The following DDX42 variants were observed in gnomAD, a reference collection of about 807,000 sequenced individuals.
DDX42 encodes ATP-dependent RNA helicase DDX42.
A neutral mutation model predicts 101.5 loss-of-function variants in DDX42; 22 were observed. That is an observed-to-expected ratio of 0.22 (90% CI 0.15 to 0.31). The LOEUF is 0.31. Ranked by LOEUF, DDX42 falls within the 10% of genes least tolerant of loss-of-function variation. DDX42 has a pLI of 1.00. For synonymous variants in DDX42, 402 were observed against 401.2 expected (o/e 1.00, Z -0.02); for missense variants, 849 against 1,199.9 (o/e 0.71, Z 4.32).
intron 1 of DDX42, among the ~76,000 whole-genome samples, chr17:63,781,157 C>T (rs1300823704): frequency 6.6e-6 from 1 of 152,148 alleles, no homozygotes. Flanking sequence ...CCCTACTGCT[C>T]CATTGAAACT....
At chr17:63,805,425 A>G in intron 7 of DDX42, 2 of 386,190 alleles carry the variant, frequency 5.2e-6, no homozygotes, top group East Asian at 1.2e-4. Flanking sequence ...TCTGTGCTGG[A>G]TGGGCTAGTG....
At chr17:63,811,461 A>G (rs548862403) in intron 13 of DDX42, 2 of 371,788 alleles carry the variant, frequency 5.4e-6, no homozygotes, top group East Asian at 4.9e-5. Context: ...AAAGGCTTCA[A>G]AGAGACAAAA....
chr17:63,815,505 C>T, intron 15 of DDX42, 58 bp from the exon 16 acceptor site: 1 of 1,333,744 alleles, frequency 7.5e-7, no homozygotes, highest in Non-Finnish European at 1.1e-6. Flanking sequence ...TGTCCTCGTT[C>T]TCTTCTTCTG....
chr17:63,785,765 T>C (rs943402912), intron 1 of DDX42, among the ~76,000 whole-genome samples: 1 of 152,232 alleles, frequency 6.6e-6, no homozygotes, highest in African/African-American at 2.4e-5. Flanking sequence ...AGTTTCTTCC[T>C]GGATAGTGTT....
At chr17:63,804,456 T>C (rs538020316) in intron 6 of DDX42, among the ~76,000 whole-genome samples, 1 of 152,336 alleles carries the variant, frequency 6.6e-6, no homozygotes, top group East Asian at 1.9e-4. Flanking sequence ...ACTCCATGTT[T>C]TTAAACAGAA....
chr17:63,815,758 A>C (rs939166474), intron 16 of DDX42, 85 bp downstream of exon 16: 5 of 911,980 alleles, frequency 5.5e-6, no homozygotes, highest in African/African-American at 3.4e-5. Context: ...TACCCAGGAA[A>C]GCCTCAGTGA....
intron 6 of DDX42, among the ~76,000 whole-genome samples, chr17:63,803,795 G>A (rs951910494): frequency 9.2e-5 from 14 of 151,462 alleles, no homozygotes; most frequent in African/African-American, 3.4e-4. Context: ...GACTACAGGT[G>A]TGTGCCACTA....
At chr17:63,780,924 G>A (rs564655267) in intron 1 of DDX42, among the ~76,000 whole-genome samples, 1 of 152,232 alleles carries the variant, frequency 6.6e-6, no homozygotes, top group African/African-American at 2.4e-5. Context: ...GAAATCCTAT[G>A]ACTTTTTTCT....
chr17:63,792,480 C>T lies in DDX42; in HGVS notation c.290C>T (p.Pro97Leu). 6.2e-7 allele frequency: 1 copy of T among 1,613,822 alleles called. No individual in the cohort carries two copies. The highest frequency in any genetic ancestry group is 8.5e-7 in the Non-Finnish European group (1 of 1,179,890). ...CCTTACATTCCTGCTGAAAACTCACCAACTCGCCAGCAATTCCATTCCAAG... is the reference window on the plus strand; with the variant it reads ...CCTTACATTCCTGCTGAAAACTCACTAACTCGCCAGCAATTCCATTCCAAG... ...DLPYIPAENSPTRQQFHSKPV... is the reference protein window; with the variant it reads ...DLPYIPAENSLTRQQFHSKPV... Residue 97 changes from proline to leucine, a missense_variant, in exon 3 of 18, where the codon CCA becomes CTA. Transcript: ENST00000389924.
At chr17:63,810,973 G>A (rs2039902845) in intron 12 of DDX42, 103 bp from the exon 13 acceptor site, 1 of 835,428 alleles carries the variant, frequency 1.2e-6, no homozygotes, top group South Asian at 1.9e-5. Flanking sequence ...GTTCAGGTGA[G>A]CTTATGTAAA....
At chr17:63,789,483 G>C (rs2144541498) in intron 2 of DDX42, among the ~76,000 whole-genome samples, 1 of 151,072 alleles carries the variant, frequency 6.6e-6, no homozygotes, top group South Asian at 2.1e-4. Flanking sequence ...CAAAGTGCTG[G>C]GATTATAGGC....
chr17:63,818,168 A>G lies in DDX42; in HGVS notation c.2587A>G (p.Arg863Gly). 1 of 1,614,014 alleles carries G rather than the reference A, an allele frequency of 6.2e-7. No homozygotes were observed. Among genetic ancestry groups the G allele is most frequent in the African/African-American group, 1.3e-5 (1 of 75,028 alleles). ...TGATGGCCATCGGCACGGGGAGAAC[A>G]GACATGGAGGAAGCGCAGGCCGGCA... The part of the protein sequence containing the change: ...HTDGHRHGEN[R>G]HGGSAGRHGE... Residue 863 changes from arginine to glycine, a missense_variant, in exon 18 of 18, where the codon AGA (arginine) becomes GGA (glycine). Arg to Gly is a moderately radical substitution (Grantham distance 125). Coordinates refer to ENST00000389924, the MANE Select transcript of DDX42 (RefSeq NM_203499.3).
At chr17:63,786,879 T>C (rs1478844102) in intron 1 of DDX42, among the ~76,000 whole-genome samples, 155 bp from the exon 2 acceptor site, 1 of 152,202 alleles carries the variant, frequency 6.6e-6, no homozygotes, top group African/African-American at 2.4e-5. Context: ...GTTTTCACCA[T>C]ATTGGCCAGG....
chr17:63,815,144 G>C (rs1372590609), intron 15 of DDX42, among the ~76,000 whole-genome samples: 1 of 152,170 alleles, frequency 6.6e-6, no homozygotes, highest in Non-Finnish European at 1.5e-5. Context: ...ACTTCACATA[G>C]CATTTTTCCT....
At chr17:63,808,765 T>C (rs1027591812) in intron 9 of DDX42, 55 bp from the exon 10 acceptor site, 1 of 1,602,408 alleles carries the variant, frequency 6.2e-7, no homozygotes, top group Non-Finnish European at 8.5e-7. Flanking sequence ...GTTTGGGTTG[T>C]GACAGGTATT....
At chr17:63,781,228 G>GT (rs938711411) in intron 1 of DDX42, among the ~76,000 whole-genome samples, 19 of 151,836 alleles carry the variant, frequency 1.3e-4, no homozygotes, top group African/African-American at 4.6e-4. Flanking sequence ...TTTTTGTTTT[G>GT]TTTTTTTGAG....
chr17:63,791,048 G>A (rs1240533574), intron 2 of DDX42, among the ~76,000 whole-genome samples: 1 of 152,148 alleles, frequency 6.6e-6, no homozygotes, highest in Non-Finnish European at 1.5e-5. Flanking sequence ...AACAGTTAAA[G>A]CTTTTAAAAT....
At chr17:63,815,943 C>T (rs1387236959) in intron 16 of DDX42, 4 of 192,012 alleles carry the variant, frequency 2.1e-5, no homozygotes, top group Non-Finnish European at 4.3e-5. Context: ...CCTGGACCAG[C>T]AGCACATGCA....
intron 16 of DDX42, 177 bp downstream of exon 16, chr17:63,815,850 T>C: frequency 2.8e-6 from 1 of 363,506 alleles, no homozygotes; most frequent in Non-Finnish European, 5.0e-6. Flanking sequence ...TAACTTTCTA[T>C]TGAAGAAGCA....
Sources: allele counts gnomAD v4.1 joint callset (sites outside exome capture counted in the v4.1 genomes callset), GRCh38; gene constraint gnomAD v4.1.1; transcripts MANE v1.5; gene names NCBI Gene and HGNC (gene_info 2026-07-23, HGNC 2026-07-21).